SV2C: variants seen among roughly 807,000 people sequenced by gnomAD.
SV2C encodes the protein synaptic vesicle glycoprotein 2C, also known as solute carrier family 22 member B3.
In SV2C, 49 loss-of-function variants were observed where a neutral mutation model predicts 79.7. That is an observed-to-expected ratio of 0.61 (90% CI 0.49 to 0.78). The LOEUF is 0.78. Ranked by LOEUF, SV2C falls within the 30% of genes least tolerant of loss-of-function variation. The pLI is 0.00. For synonymous variants in SV2C, 334 were observed against 333.2 expected (o/e 1.00, Z -0.03); for missense variants, 833 against 912.9 (o/e 0.91, Z 1.13).
At chr5:76,059,548 T>C in the SV2C span, among the ~76,000 whole-genome samples, 1 of 151,994 alleles carries the variant, frequency 6.6e-6, no homozygotes. Flanking sequence ...AGTTTTATCA[T>C]GACATTGTAG....
chr5:76,139,856 ATTTTTTTT>A (rs3079931), intron 2 of SV2C, among the ~76,000 whole-genome samples: 1 of 65,356 alleles, frequency 1.5e-5, no homozygotes, highest in African/African-American at 4.8e-5. Context: ...TCTTGAAAGT[ATTTTTTTT>A]TTTTTTTTTT....
At chr5:75,931,829 G>A in the SV2C span, among the ~76,000 whole-genome samples, 1 of 152,016 alleles carries the variant, frequency 6.6e-6, no homozygotes, top group African/African-American at 2.4e-5. Flanking sequence ...CTGGAAATAA[G>A]CCCTCACTAA....
chr5:76,021,997 C>A, the SV2C span, among the ~76,000 whole-genome samples: 12 of 152,238 alleles, frequency 7.9e-5, no homozygotes, highest in East Asian at 2.1e-3. Flanking sequence ...CAAGGTATGG[C>A]ATTAATAATC....
chr5:75,954,393 C>T, the SV2C span, among the ~76,000 whole-genome samples: 4,055 of 151,962 alleles, frequency 0.027, 160 homozygotes, highest in African/African-American at 0.086. Context: ...TTTTGAAATA[C>T]GTCCCATCAA....
chr5:76,227,932 A>T (rs543276073), intron 4 of SV2C, among the ~76,000 whole-genome samples: 3 of 152,278 alleles, frequency 2.0e-5, no homozygotes, highest in South Asian at 4.1e-4. Context: ...AGGAGCTTAC[A>T]CGCGGGCCAG....
At position 76,285,782 on chromosome 5, in the gene SV2C, T is replaced by C. The variant is rs1264401030; in HGVS notation, c.1049T>C (p.Val350Ala). The C allele has an allele frequency of 2.5e-6, 4 of 1,613,444 alleles. No homozygotes were observed. The highest frequency in any genetic ancestry group is 1.6e-4 in the Middle Eastern group (1 of 6,080). ...MPESPRFLLEVGKHDEAWMIL... is the reference protein window; with the variant it reads ...MPESPRFLLEAGKHDEAWMIL... ...TCACTGTCCACTCTCATTTCTTAGG[T>C]TGGAAAACATGATGAAGCTTGGATG... Residue 350 changes from valine (V) to alanine (A), a missense_variant and splice_region_variant, in exon 6 of 13, where the codon GTT becomes GCT. By Grantham distance (64) the Val-to-Ala change is moderately conservative (BLOSUM62 0). Transcript: ENST00000502798.
the SV2C span, among the ~76,000 whole-genome samples, chr5:76,049,950 G>T: frequency 2.6e-5 from 4 of 152,208 alleles, no homozygotes; most frequent in Non-Finnish European, 4.4e-5. Context: ...TCAGGAGCCA[G>T]ACTGCCTGGG....
At chr5:75,999,318 A>C in the SV2C span, among the ~76,000 whole-genome samples, 1 of 129,384 alleles carries the variant, frequency 7.7e-6, no homozygotes, top group Admixed American at 7.7e-5. Flanking sequence ...GTATAGATAC[A>C]CACACATATA....
the SV2C span, among the ~76,000 whole-genome samples, chr5:75,865,405 G>A: frequency 6.6e-6 from 1 of 152,158 alleles, no homozygotes; most frequent in Non-Finnish European, 1.5e-5. Flanking sequence ...AGCAGGAGAA[G>A]GAAAAAACTC....
chr5:76,105,265 C>T (rs532428302), intron 1 of SV2C, among the ~76,000 whole-genome samples: 3 of 152,268 alleles, frequency 2.0e-5, no homozygotes, highest in East Asian at 1.9e-4. Context: ...CCTGCCACCA[C>T]CAACGCCTTG....
rs1240801745 is a variant in SV2C, at chr5:76,194,943, T to C, written c.605T>C (p.Met202Thr). 35 of 1,614,004 alleles carry C rather than the reference T, an allele frequency of 2.2e-5. No individual in the cohort carries two copies. The highest frequency in any genetic ancestry group is 2.8e-5 in the Non-Finnish European group (33 of 1,179,950). Residue 202 changes from methionine (M) to threonine (T), a missense_variant, in exon 3 of 13, where the codon ATG (methionine) becomes ACG (threonine). By Grantham distance (81) the Met-to-Thr change is moderately conservative. Transcript: ENST00000502798. ...GGCAGCATAGTGTACCTCGGGATGA[T>C]GGTGGGGGCGTTCTTCTGGGGAGGA... ...WLGSIVYLGM[M>T]VGAFFWGGLA...
intron 12 of SV2C, among the ~76,000 whole-genome samples, chr5:76,347,538 A>G (rs1468313277): frequency 2.0e-5 from 3 of 152,130 alleles, no homozygotes; most frequent in Non-Finnish European, 4.4e-5. Flanking sequence ...TCCACTTCCC[A>G]GGTTCAAGCA....
At chr5:75,936,817 G>A in the SV2C span, among the ~76,000 whole-genome samples, 1 of 152,154 alleles carries the variant, frequency 6.6e-6, no homozygotes, top group Non-Finnish European at 1.5e-5. Flanking sequence ...ATGGACAGAG[G>A]TTTATGAGAG....
At chr5:76,241,378 G>A (rs1026894474) in intron 4 of SV2C, among the ~76,000 whole-genome samples, 1 of 152,060 alleles carries the variant, frequency 6.6e-6, no homozygotes, top group Non-Finnish European at 1.5e-5. Flanking sequence ...TTCATCTGAT[G>A]CTCTGAACAG....
intron 2 of SV2C, among the ~76,000 whole-genome samples, chr5:76,184,924 C>T (rs972254282): frequency 1.7e-4 from 26 of 152,166 alleles, no homozygotes; most frequent in African/African-American, 5.8e-4. Context: ...GGTCCAAGTC[C>T]AAAGTCTCAT....
At chr5:76,272,946 G>C (rs954643746) in intron 4 of SV2C, among the ~76,000 whole-genome samples, 1 of 151,764 alleles carries the variant, frequency 6.6e-6, no homozygotes, top group Non-Finnish European at 1.5e-5. Flanking sequence ...ACATTTATGT[G>C]AGTAAAATAG....
the SV2C span, among the ~76,000 whole-genome samples, chr5:76,072,403 G>A: frequency 1.3e-5 from 2 of 152,168 alleles, no homozygotes; most frequent in African/African-American, 4.8e-5. Context: ...TGTACTACAG[G>A]AAATGAAATG....
rs1561298340 is a variant in SV2C at position 76,285,106 on chromosome 5, C to T, written c.914-56C>T. The T allele has an allele frequency of 5.0e-6, 8 of 1,602,952 alleles. No individual in the cohort carries two copies. The South Asian group carries it at 7.9e-5, about 16-fold the overall frequency. On this transcript the variant is annotated intron_variant, in intron 4 of 12. Coordinates refer to ENST00000502798, the MANE Select transcript of SV2C (RefSeq NM_014979.4). Reference sequence around the variant, plus strand: ...TGGTTCGGGCATCCCGGGTGATGTTCCCAGGAGGCTGTCTGGGAGGAGCTC... The same window carrying T: ...TGGTTCGGGCATCCCGGGTGATGTTTCCAGGAGGCTGTCTGGGAGGAGCTC...
chr5:76,081,844 A>G (rs866855370), upstream of SV2C: 1 of 152,284 alleles, frequency 6.6e-6, no homozygotes, highest in Non-Finnish European at 1.5e-5. Context: ...CAAGCTAACA[A>G]CACCGCCCTG....
Sources: gnomAD v4.1 joint callset for allele counts (sites outside exome capture counted in the v4.1 genomes callset) on GRCh38, gnomAD v4.1.1 for gene constraint, MANE v1.5 for transcripts, NCBI Gene and HGNC (gene_info 2026-07-23, HGNC 2026-07-21) for gene names.